The following AFF2 variants were observed in gnomAD, a reference collection of about 807,000 sequenced individuals.
The protein encoded by AFF2 is ALF transcription elongation factor 2, also known as AF4/FMR2 family member 2.
Under a neutral mutation model 76.9 loss-of-function variants are expected in AFF2, and 14 were observed. That is an observed-to-expected ratio of 0.18 (90% CI 0.12 to 0.28). AFF2 has a LOEUF of 0.28. AFF2 is among the 10% of genes least tolerant of loss of function. The probability of loss-of-function intolerance (pLI) is 1.00; values close to 1 mark genes in which losing one functional copy is unlikely to be tolerated. For synonymous variants in AFF2, 398 were observed against 366.7 expected (o/e 1.09, Z -0.98); for missense variants, 868 against 1,001.1 (o/e 0.87, Z 1.79).
intron 4 of AFF2, 96 bp downstream of exon 4, chrX:148,810,016 C>A: frequency 1.2e-6 from 1 of 852,361 alleles, no homozygotes; most frequent in Non-Finnish European, 1.7e-6. Flanking sequence ...CAAGGAGTTT[C>A]ATGATGGGGA....
At chrX:148,661,776 A>C in intron 2 of AFF2, 132 bp from the exon 3 acceptor site, 1 of 699,390 alleles carries the variant, frequency 1.4e-6, no homozygotes, top group Non-Finnish European at 2.1e-6. Context: ...GCATGAAATT[A>C]TATGGCAGCA....
intron 16 of AFF2, among the ~76,000 whole-genome samples, chrX:148,976,654 G>A (rs983326542): frequency 1.8e-5 from 2 of 111,549 alleles, no homozygotes; most frequent in African/African-American, 3.3e-5. Context: ...CTCTCTCCCC[G>A]ACAGTATGCT....
chrX:148,859,765 G>A (rs1488529559), intron 7 of AFF2, among the ~76,000 whole-genome samples: 1 of 111,065 alleles, frequency 9.0e-6, no homozygotes, highest in African/African-American at 3.3e-5. Context: ...GACATGCCAA[G>A]CAGTATTCTA....
chrX:148,848,615 T>A (rs1557274984), intron 7 of AFF2, among the ~76,000 whole-genome samples: 1 of 112,441 alleles, frequency 8.9e-6, no homozygotes, highest in Admixed American at 9.4e-5. Flanking sequence ...ATTGACTGTG[T>A]AATGGGGCAA....
At chrX:148,766,196 T>G (rs2069514141) in intron 3 of AFF2, among the ~76,000 whole-genome samples, 1 of 110,256 alleles carries the variant, frequency 9.1e-6, no homozygotes, top group South Asian at 4.0e-4. Flanking sequence ...GCAGCATGAT[T>G]TATAGTCCTT....
chrX:148,526,244 A>T (rs573296622), intron 1 of AFF2, among the ~76,000 whole-genome samples: 1 of 111,198 alleles, frequency 9.0e-6, no homozygotes, highest in East Asian at 2.8e-4. Flanking sequence ...TTTATTGCTA[A>T]AATTTGAGGT....
intron 3 of AFF2, among the ~76,000 whole-genome samples, chrX:148,723,919 CTTTTTTTTTT>C (rs782084454): frequency 1.2e-5 from 1 of 84,584 alleles, no homozygotes; most frequent in Non-Finnish European, 2.3e-5. Context: ...TTTCTTTTTT[CTTTTTTTTTT>C]TTTTTGGTGA....
chrX:148,631,572 A>T (rs782613389), intron 1 of AFF2, among the ~76,000 whole-genome samples: 13 of 112,352 alleles, frequency 1.2e-4, no homozygotes, highest in Non-Finnish European at 2.3e-4. Flanking sequence ...GAAGGACAAC[A>T]GAGAAATAAA....
intron 4 of AFF2, among the ~76,000 whole-genome samples, chrX:148,822,651 C>A (rs2070342200): frequency 9.1e-6 from 1 of 109,736 alleles, no homozygotes; most frequent in South Asian, 4.0e-4. Context: ...ACTGTGATCA[C>A]AAGAAAAGAG....
intron 1 of AFF2, among the ~76,000 whole-genome samples, chrX:148,567,552 A>C (rs2053182870): frequency 9.1e-6 from 1 of 110,430 alleles, no homozygotes; most frequent in Non-Finnish European, 1.9e-5. Flanking sequence ...AGAATGAAAA[A>C]CTCAGCTTAC....
At chrX:148,673,578 A>G (rs1378530972) in intron 3 of AFF2, among the ~76,000 whole-genome samples, 2 of 112,080 alleles carry the variant, frequency 1.8e-5, no homozygotes, top group African/African-American at 6.5e-5. Context: ...TCCATCTGAA[A>G]ATACTATACA....
At position 148,923,850 on chromosome X, in the gene AFF2, A is replaced by T. The variant is rs146898398; in HGVS notation, c.1397+19592A>T. On this transcript the variant is annotated intron_variant, in intron 9 of 20. Transcript: ENST00000370460. ...TCCAACCAAAAGCTTCTCTGATTGCATGTGTTTATGAGGCTGGTGAGTGTC... is the reference window on the plus strand; with the variant it reads ...TCCAACCAAAAGCTTCTCTGATTGCTTGTGTTTATGAGGCTGGTGAGTGTC... Among the ~76,000 whole-genome samples the T allele has an allele frequency of 4.7e-4, 52 of 111,755 alleles. 1 individual carries two copies. The East Asian group carries it at 0.012, about 25-fold the overall frequency.
intron 3 of AFF2, among the ~76,000 whole-genome samples, chrX:148,773,681 G>GGAAGGAAAGAAAGAAA (rs1325190626): frequency 3.2e-3 from 135 of 42,159 alleles, no homozygotes; most frequent in South Asian, 4.9e-3. Flanking sequence ...AAGGAAGGAA[G>GGAAGGAAAGAAAGAAA]GAAGGAAAGA....
At position 148,634,310 on chromosome X, in the gene AFF2, A is replaced by C. The variant is rs781894541; in HGVS notation, c.48-17689A>C. On this transcript the variant is annotated intron_variant, in intron 1 of 20. Coordinates refer to ENST00000370460, the MANE Select transcript of AFF2 (RefSeq NM_002025.4). ...TAAAATGGATGGGTTAATATGTTAG[A>C]TTTTATAAATGAGTAACCACAGATT... 3.8e-4 allele frequency among the ~76,000 whole-genome samples: 43 copies of C among 111,722 alleles called. 1 individual carries two copies. Among genetic ancestry groups the C allele is most frequent in the Admixed American group, 1.1e-3 (12 of 10,491 alleles).
intron 1 of AFF2, among the ~76,000 whole-genome samples, chrX:148,619,372 A>T (rs1285705713): frequency 8.9e-6 from 1 of 111,928 alleles, no homozygotes; most frequent in Non-Finnish European, 1.9e-5. Flanking sequence ...CCAAATACAT[A>T]GCTGAGCCCA....
At chrX:148,522,517 A>G (rs782056657) in intron 1 of AFF2, among the ~76,000 whole-genome samples, 3 of 112,709 alleles carry the variant, frequency 2.7e-5, no homozygotes, top group African/African-American at 9.7e-5. Flanking sequence ...CTTCCTGCTT[A>G]GGGAACATGC....
At position 148,997,552 on chromosome X, in the gene AFF2, T is replaced by G. The variant is rs1051586438; in HGVS notation, c.*6220T>G. ...GTTAGCCCTGGAGGAGATCCATGTCTTACTCGCTCTTTCTGGCCCTTCTGT... is the reference window on the plus strand; with the variant it reads ...GTTAGCCCTGGAGGAGATCCATGTCGTACTCGCTCTTTCTGGCCCTTCTGT... On this transcript the variant is annotated 3_prime_UTR_variant, in exon 21 of 21. Coordinates refer to ENST00000370460, the MANE Select transcript of AFF2 (RefSeq NM_002025.4). The G allele has an allele frequency of 8.9e-6, 1 of 112,529 alleles. No individual in the cohort carries two copies. Among genetic ancestry groups the G allele is most frequent in the Non-Finnish European group, 1.9e-5 (1 of 53,350 alleles). 9.3% of individuals were successfully genotyped at this position (112,529 alleles called of 1,213,427 possible).
At chrX:148,762,475 T>G (rs1011280340) in intron 3 of AFF2, among the ~76,000 whole-genome samples, 28 of 48,906 alleles carry the variant, frequency 5.7e-4, no homozygotes, top group Non-Finnish European at 9.9e-4. Context: ...TGTGTACATA[T>G]GTATATGTGT....
At chrX:148,594,837 A>G (rs1245790885) in intron 1 of AFF2, among the ~76,000 whole-genome samples, 1 of 112,101 alleles carries the variant, frequency 8.9e-6, no homozygotes, top group African/African-American at 3.2e-5. Flanking sequence ...CCAGCCTTGC[A>G]GAAAATGGAA....
Sources: allele counts gnomAD v4.1 joint callset (sites outside exome capture counted in the v4.1 genomes callset), GRCh38; gene constraint gnomAD v4.1.1; transcripts MANE v1.5; gene names NCBI Gene and HGNC (gene_info 2026-07-23, HGNC 2026-07-21).